FAM107B: variants seen among roughly 807,000 people sequenced by gnomAD.
The protein encoded by FAM107B is protein FAM107B.
FAM107B carries 21 observed loss-of-function variants against 31.5 expected under a neutral mutation model. The ratio of observed to expected loss-of-function variants is 0.67; its 90% confidence interval spans 0.47 to 0.96. FAM107B has a LOEUF of 0.96. Ranked by LOEUF, FAM107B falls within the 40% of genes least tolerant of loss-of-function variation. FAM107B has a pLI of 0.00. For synonymous variants in FAM107B, 157 were observed against 141.5 expected, an observed-to-expected ratio of 1.11 and a Z score of -0.78; for missense variants, 452 against 377.1, an observed-to-expected ratio of 1.20 and a Z score of -1.64.
At chr10:14,743,082 T>C (rs1407260584) in intron 1 of FAM107B, among the ~76,000 whole-genome samples, 2 of 152,252 alleles carry the variant, frequency 1.3e-5, no homozygotes, top group Non-Finnish European at 2.9e-5. Flanking sequence ...TTAGATGGTC[T>C]CTCATTGTGG....
intron 2 of FAM107B, among the ~76,000 whole-genome samples, chr10:14,630,278 T>A (rs1358433632): frequency 5.2e-5 from 7 of 134,576 alleles, no homozygotes; most frequent in East Asian, 2.1e-4. Context: ...CTACTGATGC[T>A]AAAAAAAAAA....
rs74122894 is a variant in FAM107B at position 14,664,819 on chromosome 10, A to T, written c.469+2815T>A. 8.6e-3 allele frequency among the ~76,000 whole-genome samples: 1,308 copies of T among 152,336 alleles called. 16 individuals carry two copies. Among genetic ancestry groups the T allele is most frequent in the African/African-American group, 0.025 (1,031 of 41,570 alleles). ...TTTTGAATGAATATAGTATATGTTC[A>T]TACTTTTCAAATAATTTAGCAGACA... On this transcript the variant is annotated intron_variant, in intron 2 of 4. Coordinates refer to ENST00000181796, the MANE Select transcript of FAM107B (RefSeq NM_031453.4).
intron 3 of FAM107B, among the ~76,000 whole-genome samples, chr10:14,528,446 T>C (rs1444331148): frequency 6.6e-6 from 1 of 152,170 alleles, no homozygotes; most frequent in Non-Finnish European, 1.5e-5. Context: ...CTTCTCAAAG[T>C]GGTGGGATTA....
intron 2 of FAM107B, among the ~76,000 whole-genome samples, chr10:14,622,017 G>A (rs868664225): frequency 2.6e-5 from 4 of 152,016 alleles, no homozygotes; most frequent in Non-Finnish European, 5.9e-5. Flanking sequence ...AAACATGACC[G>A]CTTATACCAA....
At chr10:14,770,250 C>T (rs1479879917) in intron 1 of FAM107B, among the ~76,000 whole-genome samples, 4 of 152,138 alleles carry the variant, frequency 2.6e-5, no homozygotes, top group Admixed American at 6.5e-5. Context: ...GCAGACCTGG[C>T]GCGGTGGCTC....
Position 14,689,896 on chromosome 10 carries a change from C to T in FAM107B, c.412-22205G>A, listed in dbSNP as rs183460049. On this transcript the variant is annotated intron_variant, in intron 1 of 4. Transcript: ENST00000181796. ...GAGGATTACTTGAGCCTGGAGAGGTCGAGGCTGCAGTGAGCTGAGCTCGCA... is the reference window on the plus strand; with the variant it reads ...GAGGATTACTTGAGCCTGGAGAGGTTGAGGCTGCAGTGAGCTGAGCTCGCA... Among the ~76,000 whole-genome samples, 79 of 151,904 alleles carry T rather than the reference C, an allele frequency of 5.2e-4. No homozygotes were observed. The East Asian group carries it at 0.011, about 22-fold the overall frequency.
intron 2 of FAM107B, among the ~76,000 whole-genome samples, chr10:14,590,913 C>T (rs1322820833): frequency 6.9e-6 from 1 of 145,574 alleles, no homozygotes; most frequent in Non-Finnish European, 1.5e-5. Context: ...CACATGAATC[C>T]AGGAGGCGGA....
intron 1 of FAM107B, among the ~76,000 whole-genome samples, chr10:14,706,794 A>G (rs1855530513): frequency 6.6e-6 from 1 of 152,202 alleles, no homozygotes; most frequent in Non-Finnish European, 1.5e-5. Flanking sequence ...CTCTTCAGCC[A>G]TCGTGGTGGT....
chr10:14,760,936 C>T (rs149725748), intron 1 of FAM107B, among the ~76,000 whole-genome samples: 11,029 of 145,514 alleles, frequency 0.076, 483 homozygotes, highest in South Asian at 0.12. Context: ...CGCTTGAACC[C>T]GGGAGGCGAA....
chr10:14,679,671 T>TGTCA (rs1311903698), intron 1 of FAM107B, among the ~76,000 whole-genome samples: 1 of 152,072 alleles, frequency 6.6e-6, no homozygotes, highest in Non-Finnish European at 1.5e-5. Context: ...TAATACTGAG[T>TGTCA]GTCAACTTGA....
At chr10:14,540,527 C>T (rs1848081108) in intron 2 of FAM107B, among the ~76,000 whole-genome samples, 1 of 152,146 alleles carries the variant, frequency 6.6e-6, no homozygotes, top group African/African-American at 2.4e-5. Context: ...AGCCCCTGGA[C>T]CACCCTCCCT....
At position 14,521,872 on chromosome 10, in the gene FAM107B, C is replaced by T. The variant is rs576305397; in HGVS notation, c.801G>A (p.Glu267=). 7.2e-5 allele frequency: 116 copies of T among 1,613,740 alleles called. 1 individual carries two copies. The South Asian group carries it at 1.2e-3, about 16-fold the overall frequency. ...GCTTCCAGCCAATCCCCCTTACCTG[C>T]TCCAACTTCTGCTGCCGTTTTAATA... ...IELLKRQQKL[E]QLELEKQKLQ... Residue 267 remains glutamate (E), a synonymous_variant, in exon 4 of 5, where the codon GAG becomes GAA. Transcript: ENST00000181796.
intron 2 of FAM107B, among the ~76,000 whole-genome samples, chr10:14,621,696 G>T (rs1242756091): frequency 6.6e-6 from 1 of 152,256 alleles, no homozygotes; most frequent in Non-Finnish European, 1.5e-5. Flanking sequence ...AGCTGGGGAA[G>T]AGAGGAAGGA....
At chr10:14,549,977 T>C (rs1248370795) in intron 2 of FAM107B, among the ~76,000 whole-genome samples, 1 of 152,200 alleles carries the variant, frequency 6.6e-6, no homozygotes, top group Non-Finnish European at 1.5e-5. Context: ...CACATGTCTA[T>C]AGAGCATAAC....
chr10:14,706,135 G>T (rs1855514090), intron 1 of FAM107B, among the ~76,000 whole-genome samples: 1 of 152,166 alleles, frequency 6.6e-6, no homozygotes, highest in Non-Finnish European at 1.5e-5. Flanking sequence ...CCTTAAGCCA[G>T]TTTCAGCAGC....
chr10:14,562,821 G>A (rs972001153), intron 2 of FAM107B, among the ~76,000 whole-genome samples: 1 of 152,190 alleles, frequency 6.6e-6, no homozygotes, highest in Non-Finnish European at 1.5e-5. Flanking sequence ...CTCAGAAGTC[G>A]ATTGCATGCT....
intron 1 of FAM107B, among the ~76,000 whole-genome samples, chr10:14,668,297 C>T (rs1257972301): frequency 1.3e-5 from 2 of 152,134 alleles, no homozygotes; most frequent in Admixed American, 1.3e-4. Context: ...CCTGCCTTGG[C>T]CTCCCAAAGT....
chr10:14,721,824 T>G (rs1177014777), intron 1 of FAM107B, among the ~76,000 whole-genome samples: 1 of 152,246 alleles, frequency 6.6e-6, no homozygotes, highest in Non-Finnish European at 1.5e-5. Flanking sequence ...TAGTTTCTTT[T>G]GCTGTGCAGA....
At chr10:14,648,916 T>C (rs892707379) in intron 2 of FAM107B, among the ~76,000 whole-genome samples, 1 of 152,188 alleles carries the variant, frequency 6.6e-6, no homozygotes, top group Non-Finnish European at 1.5e-5. Flanking sequence ...TAAAGAAGCT[T>C]CCTGGTCTTA....
Sources: gnomAD v4.1 joint callset for allele counts (sites outside exome capture counted in the v4.1 genomes callset) on GRCh38, gnomAD v4.1.1 for gene constraint, MANE v1.5 for transcripts, NCBI Gene and HGNC (gene_info 2026-07-23, HGNC 2026-07-21) for gene names.